CAND1: variants seen among roughly 807,000 people sequenced by gnomAD.
CAND1 encodes the protein cullin associated and neddylation dissociated 1, also known as cullin-associated NEDD8-dissociated protein 1.
In CAND1, 7 loss-of-function variants were observed where a neutral mutation model predicts 108.5. That is an observed-to-expected ratio of 0.06 (90% CI 0.04 to 0.12). The LOEUF (loss-of-function observed/expected upper bound fraction) is 0.12. Ranked by LOEUF, CAND1 falls within the 10% of genes least tolerant of loss-of-function variation. The pLI, the probability that CAND1 is intolerant of heterozygous loss-of-function variation, is 1.00. For synonymous variants in CAND1, 534 were observed against 512.0 expected (o/e 1.04, Z -0.58); for missense variants, 941 against 1,448.7 (o/e 0.65, Z 5.69).
intron 1 of CAND1, among the ~76,000 whole-genome samples, chr12:67,278,125 C>T (rs369893576): frequency 6.6e-6 from 1 of 152,086 alleles, no homozygotes; most frequent in Non-Finnish European, 1.5e-5. Flanking sequence ...CCTGCTTCAC[C>T]GTAATTTTGC....
At chr12:67,307,680 A>T (rs2044902427) in intron 11 of CAND1, among the ~76,000 whole-genome samples, 188 bp downstream of exon 11, 1 of 152,122 alleles carries the variant, frequency 6.6e-6, no homozygotes, top group Non-Finnish European at 1.5e-5. Context: ...TTATTCCTAG[A>T]TGATTTTGCA....
At chr12:67,298,840 T>C in intron 6 of CAND1, 110 bp from the exon 7 acceptor site, 1 of 665,224 alleles carries the variant, frequency 1.5e-6, no homozygotes, top group East Asian at 2.7e-5. Context: ...TGCTAGATAG[T>C]CTGGGAACTA....
intron 7 of CAND1, among the ~76,000 whole-genome samples, chr12:67,299,668 C>A (rs2044805591): frequency 6.6e-6 from 1 of 152,104 alleles, no homozygotes. Context: ...TACAACATTT[C>A]TGAGGCTCCT....
intron 11 of CAND1, 103 bp from the exon 12 acceptor site, chr12:67,309,798 A>G: frequency 7.5e-6 from 6 of 801,674 alleles, no homozygotes; most frequent in Non-Finnish European, 1.2e-5. Context: ...AGAAATAACA[A>G]TGACACCAGC....
intron 1 of CAND1, 119 bp downstream of exon 1, chr12:67,269,904 C>T: frequency 6.6e-6 from 5 of 762,138 alleles, no homozygotes; most frequent in South Asian, 3.6e-5. Flanking sequence ...GCCCCGAAGT[C>T]TCCAGCCCAC....
chr12:67,281,824 G>C (rs1032555685), intron 1 of CAND1, 86 bp from the exon 2 acceptor site: 10 of 773,800 alleles, frequency 1.3e-5, no homozygotes, highest in African/African-American at 7.2e-5. Context: ...TTGAGTGAAT[G>C]GTATAGCAGT....
At chr12:67,285,845 T>A (rs2044665436) in intron 2 of CAND1, among the ~76,000 whole-genome samples, 1 of 152,200 alleles carries the variant, frequency 6.6e-6, no homozygotes, top group African/African-American at 2.4e-5. Context: ...ATCCATGTTG[T>A]GTATATTAGT....
At position 67,310,163 on chromosome 12, in the gene CAND1, T is replaced by C. The variant is rs1203545452; in HGVS notation, c.3207T>C (p.Gly1069=). Reference sequence around the variant, plus strand: ...TTTTGCTTTAACAGGTAGAAATGGGTCCATTTAAACATACGGTTGATGATG... The same window carrying C: ...TTTTGCTTTAACAGGTAGAAATGGGCCCATTTAAACATACGGTTGATGATG... ...RKELIREVEM[G]PFKHTVDDGL... is the part of the protein sequence containing the mutation. Residue 1069 remains glycine, a synonymous_variant, in exon 13 of 15, where the codon GGT becomes GGC. Transcript: ENST00000545606. The C allele has an allele frequency of 6.2e-7, 1 of 1,612,610 alleles. No individual in the cohort carries two copies. The highest frequency in any genetic ancestry group is 8.5e-7 in the Non-Finnish European group (1 of 1,179,082).
chr12:67,310,082 C>T lies in CAND1; in HGVS notation c.3195+12C>T, dbSNP rs377139649. 6.2e-7 allele frequency: 1 copy of T among 1,609,840 alleles called. No individual in the cohort carries two copies. The highest frequency in any genetic ancestry group is 1.3e-5 in the African/African-American group (1 of 74,644). On this transcript the variant is annotated intron_variant, in intron 12 of 14. Coordinates refer to ENST00000545606, the MANE Select transcript of CAND1 (RefSeq NM_018448.5). ...AGCTTATAAGAGAGGTAAGTTAGATCACACTGTTTATTTGAGCTTGTCTTT... is the reference window on the plus strand; with the variant it reads ...AGCTTATAAGAGAGGTAAGTTAGATTACACTGTTTATTTGAGCTTGTCTTT...
chr12:67,303,982 CT>C (rs1422318824), intron 8 of CAND1, among the ~76,000 whole-genome samples: 1 of 149,366 alleles, frequency 6.7e-6, no homozygotes, highest in Non-Finnish European at 1.5e-5. Flanking sequence ...TGATTAATTT[CT>C]TTCTTTCTCT....
chr12:67,277,958 T>A (rs2044585057), intron 1 of CAND1, among the ~76,000 whole-genome samples: 1 of 152,310 alleles, frequency 6.6e-6, no homozygotes, highest in South Asian at 2.1e-4. Flanking sequence ...TGGAGTAATG[T>A]TTCTGAAATG....
At position 67,269,838 on chromosome 12, in the gene CAND1, C is replaced by G. The variant is rs957575388; in HGVS notation, c.68+53C>G. On this transcript the variant is annotated intron_variant, in intron 1 of 14. Coordinates refer to ENST00000545606, the MANE Select transcript of CAND1 (RefSeq NM_018448.5). ...ACCTCGGGGTTCTCGCAGCCGCGGC[C>G]CTGGCCGTCACGCAGGCCTTGCCCC... is the stretch of plus-strand genomic sequence containing the variant. The G allele has an allele frequency of 4.6e-6, 7 of 1,515,552 alleles. No individual in the cohort carries two copies. In the Admixed American group the frequency reaches 5.4e-5, roughly 12 times the overall value. 93.9% of individuals were successfully genotyped at this position (1,515,552 alleles called of 1,614,324 possible). A position where few individuals can be genotyped will look rare whatever the true frequency, so the allele number is the denominator to read the frequency against.
rs866928517 is a variant in CAND1, at chr12:67,318,898, G to A, written c.*6068G>A. 1.3e-5 allele frequency: 2 copies of A among 152,210 alleles called. No individual in the cohort carries two copies. Among genetic ancestry groups the A allele is most frequent in the African/African-American group, 2.4e-5 (1 of 41,446 alleles). 9.4% of individuals were successfully genotyped at this position (152,210 alleles called of 1,614,324 possible). Reference sequence around the variant, plus strand: ...GAGTGAGACAGAAACAATTCATAAAGGAGATGAAATGTCTTGAGGAATGAG... The same window carrying A: ...GAGTGAGACAGAAACAATTCATAAAAGAGATGAAATGTCTTGAGGAATGAG... On this transcript the variant is annotated 3_prime_UTR_variant, in exon 15 of 15. Coordinates refer to ENST00000545606, the MANE Select transcript of CAND1 (RefSeq NM_018448.5).
At position 67,315,185 on chromosome 12, in the gene CAND1, T is replaced by C. The variant is rs2044995349; in HGVS notation, c.*2355T>C. 6.6e-6 allele frequency: 1 copy of C among 152,354 alleles called. No homozygotes were observed. Among genetic ancestry groups the C allele is most frequent in the Admixed American group, 6.5e-5 (1 of 15,284 alleles). The allele number at this position is 152,354 out of a possible 1,614,324, so 9.4% of individuals were successfully genotyped here. On this transcript the variant is annotated 3_prime_UTR_variant, in exon 15 of 15. Transcript: ENST00000545606. ...AAAGAAGGCAGAGGGCTGGACGCAG[T>C]GGCTTACGCCTGTAATCCCAGCACT...
rs748907171 is a variant in CAND1, at chr12:67,292,724, T to C, written c.315T>C (p.Ile105=). 4.3e-6 allele frequency: 7 copies of C among 1,613,898 alleles called. No homozygotes were observed. Among genetic ancestry groups the C allele is most frequent in the Non-Finnish European group, 5.9e-6 (7 of 1,179,892 alleles). The change falls in exon 3 of 15, where the codon ATT becomes ATC. Residue 105 remains isoleucine (I), a synonymous_variant. Transcript: ENST00000545606. ...MLSDKEQLRD[I]SSIGLKTVIG... is the part of the protein sequence containing the mutation. ...CTGATAAAGAACAACTTCGAGACAT[T>C]TCAAGTATTGGTCTTAAAACAGTAA...
At position 67,292,791 on chromosome 12, in the gene CAND1, A is replaced by G; in HGVS notation, c.367+15A>G. On this transcript the variant is annotated intron_variant, in intron 3 of 14. Transcript: ENST00000545606. ...AGCTTCCAGTGGTAAGCAAGAGCAC[A>G]TTTTTCTTCCTATTTCTTTTTGTGT... is the stretch of plus-strand genomic sequence containing the variant. The G allele has an allele frequency of 6.2e-7, 1 of 1,611,128 alleles. No homozygotes were observed. Among genetic ancestry groups the G allele is most frequent in the Non-Finnish European group, 8.5e-7 (1 of 1,178,976 alleles).
chr12:67,287,068 C>T (rs993600739), intron 2 of CAND1, among the ~76,000 whole-genome samples: 1 of 152,168 alleles, frequency 6.6e-6, no homozygotes, highest in African/African-American at 2.4e-5. Context: ...GGTTTATCAG[C>T]TTTGGCATTA....
At chr12:67,271,038 A>G (rs74100308) in intron 1 of CAND1, among the ~76,000 whole-genome samples, 6,714 of 152,318 alleles carry the variant, frequency 0.044, 220 homozygotes, top group African/African-American at 0.087. Flanking sequence ...GATTAAATTG[A>G]TATACTGGCT....
chr12:67,279,810 C>CT (rs1174323654), intron 1 of CAND1, among the ~76,000 whole-genome samples: 1 of 152,116 alleles, frequency 6.6e-6, no homozygotes, highest in Non-Finnish European at 1.5e-5. Context: ...CATAAAACAA[C>CT]TTTTTACTTG....
Sources: gnomAD v4.1 joint callset for allele counts (sites outside exome capture counted in the v4.1 genomes callset) on GRCh38, gnomAD v4.1.1 for gene constraint, MANE v1.5 for transcripts, NCBI Gene and HGNC (gene_info 2026-07-23, HGNC 2026-07-21) for gene names.